The following TP53BP1 variants were observed in gnomAD, a reference collection of about 807,000 sequenced individuals.
The protein encoded by TP53BP1 is tumor protein p53 binding protein 1, also known as TP53-binding protein 1.
Under a neutral mutation model 200.8 loss-of-function variants are expected in TP53BP1, and 61 were observed. The ratio of observed to expected loss-of-function variants is 0.30; its 90% CI spans 0.25 to 0.38. The LOEUF is 0.38. TP53BP1 is among the 10% of genes least tolerant of loss of function. The pLI is 1.00. For missense variants in TP53BP1, 2,144 were observed against 2,371.9 expected (o/e 0.90, Z 2.00); for synonymous variants, 822 against 844.3 (o/e 0.97, Z 0.46).
chr15:43,408,914 C>T lies in TP53BP1; in HGVS notation c.5583G>A (p.Glu1861=). The T allele has an allele frequency of 6.2e-7, 1 of 1,614,146 alleles. No homozygotes were observed. Among genetic ancestry groups the T allele is most frequent in the Admixed American group, 1.7e-5 (1 of 60,022 alleles). ...YLLPAGYSLE[E]QRILDWQPRE... ...ATACTTACCAGTCCAGAATTCTTTG[C>T]TCCTCAAGGCTGTACCCAGCTGGCA... The change falls in exon 26 of 28, where the codon GAG becomes GAA. Residue 1861 remains glutamate (E), a synonymous_variant. Transcript: ENST00000382044.
At chr15:43,474,127 G>A (rs1039281492) in intron 10 of TP53BP1, among the ~76,000 whole-genome samples, 31 of 152,288 alleles carry the variant, frequency 2.0e-4, no homozygotes, top group African/African-American at 7.5e-4. Flanking sequence ...CGGGTGCTAA[G>A]CCCCTCATTG....
chr15:43,483,473 AT>A (rs1207445383), intron 4 of TP53BP1, among the ~76,000 whole-genome samples: 1 of 152,192 alleles, frequency 6.6e-6, no homozygotes, highest in Non-Finnish European at 1.5e-5. Context: ...AGATGCCAAA[AT>A]GTTTACAGCA....
Position 43,421,079 on chromosome 15 carries a change from G to A in TP53BP1, c.4196C>T (p.Thr1399Met), listed in dbSNP as rs200691218. Residue 1399 changes from threonine (T) to methionine (M), a missense_variant, in exon 20 of 28, where the codon ACG (threonine) becomes ATG (methionine). Physicochemically the swap from Thr to Met is moderately conservative, Grantham distance 81. Around this residue, in one of 4 missense-constraint regions of TP53BP1, gnomAD observed 1,700 missense variants for 1,710.3 expected, o/e 0.99. Coordinates refer to ENST00000382044, the MANE Select transcript of TP53BP1 (RefSeq NM_001141980.3). ...GIRQGGKAPVTPRGRGRRGRP... is the reference protein window; with the variant it reads ...GIRQGGKAPVMPRGRGRRGRP... ...GCCCCTTCGCCCACGCCCACGAGGC[G>A]TGACTGGAGCCTTCCCTCCCTGTCT... is the stretch of plus-strand genomic sequence containing the variant. 3.0e-4 allele frequency: 482 copies of A among 1,614,226 alleles called. 7 individuals are homozygous for A. In the South Asian group the frequency reaches 3.9e-3, roughly 13 times the overall value.
At chr15:43,491,785 G>C (rs2079126912) in intron 3 of TP53BP1, 32 bp from the exon 4 acceptor site, 6 of 1,552,886 alleles carry the variant, frequency 3.9e-6, no homozygotes, top group Non-Finnish European at 5.3e-6. Flanking sequence ...TAGCATGAAA[G>C]ACATTTACCA....
chr15:43,409,320 T>A, intron 25 of TP53BP1: 1 of 590,862 alleles, frequency 1.7e-6, no homozygotes, highest in Non-Finnish European at 3.0e-6. Flanking sequence ...ACCTAAATCC[T>A]CAACGGACAA....
chr15:43,452,889 T>C (rs2046203321), intron 12 of TP53BP1, among the ~76,000 whole-genome samples: 1 of 152,188 alleles, frequency 6.6e-6, no homozygotes, highest in Non-Finnish European at 1.5e-5. Flanking sequence ...AAGCTTCTTT[T>C]GCATTTAATT....
chr15:43,456,490 C>T lies in TP53BP1; in HGVS notation c.2118G>A (p.Leu706=). 1 of 1,576,236 alleles carries T rather than the reference C, an allele frequency of 6.3e-7. No individual in the cohort carries two copies. Among genetic ancestry groups the T allele is most frequent in the Admixed American group, 1.9e-5 (1 of 53,142 alleles). ...TTTTTGGCATTTCCTTTTGAAGACACAACCCTTGGGACTGAGTTTCAGTCA... is the reference window on the plus strand; with the variant it reads ...TTTTTGGCATTTCCTTTTGAAGACATAACCCTTGGGACTGAGTTTCAGTCA... ...LSLTETQSQG[L]CLQKEMPKKE... The change falls in exon 12 of 28, where the codon TTG becomes TTA. Residue 706 remains leucine, a synonymous_variant. Transcript: ENST00000382044.
Position 43,468,046 on chromosome 15 carries a change from A to C in TP53BP1, c.1389+1812T>G, listed in dbSNP as rs550618903. 5.9e-5 allele frequency among the ~76,000 whole-genome samples: 9 copies of C among 151,958 alleles called. No homozygotes were observed. The South Asian group carries it at 1.7e-3, about 28-fold the overall frequency. Reference sequence around the variant, plus strand: ...GTGATCCGCCTGCCTCGGCCTCCCAAAGTGCTGGGATTACAGGCATGAGCC... The same window carrying C: ...GTGATCCGCCTGCCTCGGCCTCCCACAGTGCTGGGATTACAGGCATGAGCC... On this transcript the variant is annotated intron_variant, in intron 11 of 27. Coordinates refer to ENST00000382044, the MANE Select transcript of TP53BP1 (RefSeq NM_001141980.3).
intron 16 of TP53BP1, among the ~76,000 whole-genome samples, chr15:43,436,625 C>A (rs1221657563): frequency 6.6e-6 from 1 of 151,712 alleles, no homozygotes; most frequent in Non-Finnish European, 1.5e-5. Context: ...CAAGCGCATG[C>A]CACCACATCC....
chr15:43,413,325 C>G lies in TP53BP1; in HGVS notation c.5099G>C (p.Gly1700Ala), dbSNP rs368286247. ...KSATVKPGAV[G>A]AGEFVSPCES... ...ACAGGGGCTCACAAACTCTCCTGCC[C>G]CTACTGCACCTGGGAAGGACAGGGG... The change falls in exon 24 of 28, where the codon GGG becomes GCG. Residue 1700 changes from glycine (G) to alanine (A), a missense_variant. By Grantham distance (60) the Gly-to-Ala change is moderately conservative (BLOSUM62 0). Transcript: ENST00000382044. The G allele has an allele frequency of 6.2e-7, 1 of 1,613,740 alleles. No individual in the cohort carries two copies. The highest frequency in any genetic ancestry group is 8.5e-7 in the Non-Finnish European group (1 of 1,179,846).
rs974119523 is a variant in TP53BP1, at chr15:43,483,789, G to A, written c.372-2767C>T. On this transcript the variant is annotated intron_variant, in intron 4 of 27. Coordinates refer to ENST00000382044, the MANE Select transcript of TP53BP1 (RefSeq NM_001141980.3). ...CAAATGGTAGAAAAGAAGCAATGAA[G>A]GACGACAGCACAAAACAACACACTT... Among the ~76,000 whole-genome samples the A allele has an allele frequency of 2.0e-5, 3 of 152,316 alleles. No homozygotes were observed. In the South Asian group the frequency reaches 6.2e-4, roughly 32 times the overall value.
chr15:43,485,271 G>T (rs1211309095), intron 4 of TP53BP1, among the ~76,000 whole-genome samples: 2 of 152,088 alleles, frequency 1.3e-5, no homozygotes, highest in African/African-American at 4.8e-5. Context: ...CTGGCACACA[G>T]AAAATACTCA....
At chr15:43,434,547 T>A (rs779035952) in intron 16 of TP53BP1, among the ~76,000 whole-genome samples, 10 of 152,154 alleles carry the variant, frequency 6.6e-5, no homozygotes, top group Non-Finnish European at 1.5e-4. Context: ...ACCAAGGTGA[T>A]GGTATTAAGA....
chr15:43,419,367 T>G (rs1595529721), intron 21 of TP53BP1, among the ~76,000 whole-genome samples: 1 of 152,024 alleles, frequency 6.6e-6, no homozygotes, highest in South Asian at 2.1e-4. Context: ...CTCTGTGGCA[T>G]ATTTTTTTTT....
chr15:43,483,120 A>C (rs908641744), intron 4 of TP53BP1, among the ~76,000 whole-genome samples: 4 of 152,124 alleles, frequency 2.6e-5, no homozygotes, highest in African/African-American at 7.2e-5. Context: ...GATTATATAG[A>C]ATAATGTACT....
At chr15:43,437,340 AT>A (rs2045822038) in intron 16 of TP53BP1, among the ~76,000 whole-genome samples, 2 of 152,174 alleles carry the variant, frequency 1.3e-5, no homozygotes, top group Admixed American at 6.5e-5. Context: ...AATTATATAA[AT>A]TATTTTCACC....
rs2046206341 is a variant in TP53BP1 at position 43,452,999 on chromosome 15, C to T, written c.2716+2893G>A. 2.6e-5 allele frequency among the ~76,000 whole-genome samples: 4 copies of T among 151,840 alleles called. 1 individual carries two copies. The South Asian group carries it at 8.3e-4, about 32-fold the overall frequency. On this transcript the variant is annotated intron_variant, in intron 12 of 27. Transcript: ENST00000382044. The stretch of plus-strand genomic sequence containing the variant: ...CACGAGGTCAGGAGATCGAGACCAT[C>T]CTGGCTAACACGGTGAAACCCCGTC...
In TP53BP1 at chr15:43,432,296, G is replaced by A. The variant is rs763848170; in HGVS notation, c.3573C>T (p.Asp1191=). The change falls in exon 17 of 28, where the codon GAC becomes GAT. Residue 1191 remains aspartate, a synonymous_variant. Transcript: ENST00000382044. ...TGGCATCTTGCTTTCCAAAGTTCTG[G>A]TCCACTGTACTGGTCCCCTGCTCAC... ...NVCEQGTSTV[D]QNFGKQDATV... is the part of the protein sequence containing the mutation. 3 of 1,614,114 alleles carry A rather than the reference G, an allele frequency of 1.9e-6. No individual in the cohort carries two copies. Among genetic ancestry groups the A allele is most frequent in the Non-Finnish European group, 2.5e-6 (3 of 1,180,018 alleles).
intron 14 of TP53BP1, among the ~76,000 whole-genome samples, chr15:43,444,934 T>G (rs960567139): frequency 5.9e-5 from 9 of 152,254 alleles, no homozygotes; most frequent in South Asian, 4.1e-4. Context: ...AAATTTTTTT[T>G]TGTGAAAAAT....
Sources: gnomAD v4.1 joint callset for allele counts (sites outside exome capture counted in the v4.1 genomes callset) on GRCh38, gnomAD v4.1.1 for gene constraint, gnomAD v4.1.1 regional missense constraint, MANE v1.5 for transcripts, NCBI Gene and HGNC (gene_info 2026-07-23, HGNC 2026-07-21) for gene names.